Variants in SGCD observed in about 807,000 individuals in gnomAD.
The protein encoded by SGCD is delta-sarcoglycan.
SGCD carries 18 observed loss-of-function variants against 36.6 expected under a neutral mutation model. That is an observed-to-expected ratio of 0.49 (90% CI 0.34 to 0.73). The LOEUF (loss-of-function observed/expected upper bound fraction) is 0.73. Ranked by LOEUF, SGCD falls within the 30% of genes least tolerant of loss-of-function variation. The pLI is 0.01. For missense variants in SGCD, 387 were observed against 346.7 expected (o/e 1.12, Z -0.92); for synonymous variants, 133 against 130.6 (o/e 1.02, Z -0.12).
chr5:155,777,354 T>A, the SGCD span, among the ~76,000 whole-genome samples: 2 of 100,104 alleles, frequency 2.0e-5, no homozygotes, highest in African/African-American at 3.6e-5. Context: ...AATTTGTAGT[T>A]TTTTTGTTTT....
chr5:156,017,075 C>T (rs1196476333), intron 1 of SGCD, among the ~76,000 whole-genome samples: 2 of 152,124 alleles, frequency 1.3e-5, no homozygotes, highest in African/African-American at 4.8e-5. Flanking sequence ...AATCATTATG[C>T]TTTTGAATGT....
At chr5:156,088,004 A>C (rs1408884579) in intron 1 of SGCD, among the ~76,000 whole-genome samples, 5 of 152,162 alleles carry the variant, frequency 3.3e-5, no homozygotes. Context: ...TTCCATTAGA[A>C]GCATACCAGT....
At chr5:156,716,584 G>A (rs80065492) in intron 7 of SGCD, among the ~76,000 whole-genome samples, 3,122 of 152,346 alleles carry the variant, frequency 0.02, 58 homozygotes, top group Non-Finnish European at 0.031. Context: ...AAAGCAGTCA[G>A]CATAGTGCTA....
the SGCD span, among the ~76,000 whole-genome samples, chr5:155,782,365 A>C: frequency 6.6e-6 from 1 of 152,042 alleles, no homozygotes; most frequent in Non-Finnish European, 1.5e-5. Flanking sequence ...CTTTCATGAA[A>C]GATTCCATTT....
At chr5:156,738,525 C>G (rs529317886) in intron 7 of SGCD, 4 of 152,304 alleles carry the variant, frequency 2.6e-5, no homozygotes, top group African/African-American at 9.6e-5. Context: ...TTTCCTCTCT[C>G]ATAGTTGTTA....
At chr5:156,239,399 CAAAAA>C (rs34839655) in intron 3 of SGCD, among the ~76,000 whole-genome samples, 3 of 72,626 alleles carry the variant, frequency 4.1e-5, no homozygotes, top group Admixed American at 1.8e-4. Context: ...GATTTCATCT[CAAAAA>C]AAAAAAAAAA....
chr5:156,535,029 G>T (rs1758043034), intron 4 of SGCD, among the ~76,000 whole-genome samples: 1 of 152,116 alleles, frequency 6.6e-6, no homozygotes, highest in South Asian at 2.1e-4. Context: ...TTTGAATCCT[G>T]CCAAAATTGT....
At chr5:155,759,625 A>G in the SGCD span, among the ~76,000 whole-genome samples, 26 of 152,230 alleles carry the variant, frequency 1.7e-4, no homozygotes, top group African/African-American at 3.1e-4. Context: ...CTTTGAATCC[A>G]TAAGTCAGCA....
At chr5:155,972,196 T>A (rs1246800666) in intron 1 of SGCD, among the ~76,000 whole-genome samples, 1 of 152,194 alleles carries the variant, frequency 6.6e-6, no homozygotes, top group East Asian at 1.9e-4. Context: ...ACATGCTAAT[T>A]GTCGAAAAGT....
At chr5:155,905,789 T>C (rs138093366) in intron 1 of SGCD, among the ~76,000 whole-genome samples, 4 of 152,176 alleles carry the variant, frequency 2.6e-5, no homozygotes, top group South Asian at 4.2e-4. Flanking sequence ...GCTTTTGCTT[T>C]TTCCTCATTT....
chr5:156,502,100 G>A (rs1756482394), intron 3 of SGCD, among the ~76,000 whole-genome samples: 1 of 150,100 alleles, frequency 6.7e-6, no homozygotes, highest in African/African-American at 2.5e-5. Flanking sequence ...AGGCTGGAGT[G>A]CAGTGGCACA....
At chr5:156,313,453 T>A (rs1581236770) in intron 3 of SGCD, among the ~76,000 whole-genome samples, 1 of 152,214 alleles carries the variant, frequency 6.6e-6, no homozygotes, top group Non-Finnish European at 1.5e-5. Context: ...GATACTGTCA[T>A]TAAAGCAGCT....
At chr5:156,088,118 A>G (rs977363828) in intron 1 of SGCD, among the ~76,000 whole-genome samples, 1 of 152,090 alleles carries the variant, frequency 6.6e-6, no homozygotes, top group Non-Finnish European at 1.5e-5. Flanking sequence ...TGACTCGAGT[A>G]TCTGGCCATG....
At chr5:156,462,729 GA>G (rs1561711478) in intron 3 of SGCD, among the ~76,000 whole-genome samples, 1 of 152,146 alleles carries the variant, frequency 6.6e-6, no homozygotes, top group Non-Finnish European at 1.5e-5. Context: ...ATTCTCAACA[GA>G]AAGGCTATAA....
At chr5:156,686,163 TTC>T (rs1157760054) in intron 7 of SGCD, among the ~76,000 whole-genome samples, 2 of 152,176 alleles carry the variant, frequency 1.3e-5, no homozygotes, top group East Asian at 3.8e-4. Flanking sequence ...ATGAGGTAGG[TTC>T]TGTTTTTATC....
chr5:156,637,512 C>G (rs1762873555), intron 6 of SGCD, among the ~76,000 whole-genome samples: 1 of 152,104 alleles, frequency 6.6e-6, no homozygotes, highest in Non-Finnish European at 1.5e-5. Context: ...TGAAACTAGC[C>G]ACATCCTTAC....
intron 7 of SGCD, among the ~76,000 whole-genome samples, chr5:156,711,444 G>GT (rs1657914276): frequency 6.6e-6 from 1 of 152,188 alleles, no homozygotes; most frequent in African/African-American, 2.4e-5. Context: ...GTGAAGATGG[G>GT]TAAAAACTAA....
At chr5:156,700,734 A>G (rs1306463112) in intron 7 of SGCD, among the ~76,000 whole-genome samples, 1 of 152,160 alleles carries the variant, frequency 6.6e-6, no homozygotes, top group Non-Finnish European at 1.5e-5. Context: ...GCTTGAGGCT[A>G]GGACTTAGAG....
chr5:156,631,906 T>C (rs1348408874), intron 6 of SGCD, among the ~76,000 whole-genome samples: 1 of 152,188 alleles, frequency 6.6e-6, no homozygotes, highest in Non-Finnish European at 1.5e-5. Context: ...AGTCAAGACA[T>C]AGAAGCCTCT....
Sources: allele counts gnomAD v4.1 joint callset (sites outside exome capture counted in the v4.1 genomes callset), GRCh38; gene constraint gnomAD v4.1.1; transcripts MANE v1.5; gene names NCBI Gene and HGNC (gene_info 2026-07-23, HGNC 2026-07-21).